The following AP4E1 variants were observed in gnomAD, a reference collection of about 807,000 sequenced individuals.
The protein encoded by AP4E1 is adaptor related protein complex 4 subunit epsilon 1.
AP4E1 carries 56 observed loss-of-function variants against 128.2 expected under a neutral mutation model. The observed-to-expected ratio is 0.44, with a 90% CI of 0.35 to 0.55. AP4E1 has a LOEUF of 0.55. AP4E1 is among the 20% of genes least tolerant of loss of function. AP4E1 has a pLI of 0.00. For missense variants in AP4E1, 1,324 were observed against 1,307.7 expected (o/e 1.01, Z -0.19); for synonymous variants, 484 against 473.1 (o/e 1.02, Z -0.30).
chr15:50,932,885 A>G (rs1406908912), intron 7 of AP4E1, among the ~76,000 whole-genome samples: 2 of 152,204 alleles, frequency 1.3e-5, no homozygotes, highest in East Asian at 3.8e-4. Flanking sequence ...ATTTTATTTT[A>G]TATCATGCCA....
chr15:50,929,294 T>C, intron 6 of AP4E1, 126 bp downstream of exon 6: 1 of 1,090,652 alleles, frequency 9.2e-7, no homozygotes, highest in Non-Finnish European at 1.3e-6. Flanking sequence ...TATTGACCTT[T>C]GAATTAGTAG....
upstream of AP4E1, chr15:50,908,538 G>A (rs2141120378): frequency 2.2e-6 from 1 of 446,612 alleles, no homozygotes; most frequent in Non-Finnish European, 3.8e-6. Context: ...TCGCGAGAAA[G>A]GAGGTCTACT....
chr15:50,909,057 G>T, intron 1 of AP4E1, 129 bp downstream of exon 1: 2 of 1,422,222 alleles, frequency 1.4e-6, no homozygotes, highest in Non-Finnish European at 1.9e-6. Flanking sequence ...GGGCTGCTGT[G>T]TCGGTTCGTC....
chr15:50,936,570 G>A lies in AP4E1; in HGVS notation c.943+1873G>A, dbSNP rs376540955. Among the ~76,000 whole-genome samples, 44 of 152,158 alleles carry A rather than the reference G, an allele frequency of 2.9e-4. No individual in the cohort carries two copies. In the East Asian group the frequency reaches 7.3e-3, roughly 25 times the overall value. On this transcript the variant is annotated intron_variant, in intron 8 of 20. Coordinates refer to ENST00000261842, the MANE Select transcript of AP4E1 (RefSeq NM_007347.5). ...TTCCTGGGGATAACCACTGTTACCC[G>A]TTCCTTTTGATTTGGAGAATACTGT... is the stretch of plus-strand genomic sequence containing the variant.
At chr15:50,911,479 ATTTTT>A (rs536958160) in intron 1 of AP4E1, among the ~76,000 whole-genome samples, 3 of 124,690 alleles carry the variant, frequency 2.4e-5, no homozygotes, top group Non-Finnish European at 3.3e-5. Flanking sequence ...TCCACCTTTA[ATTTTT>A]TTTTTTTTTT....
rs2063993891 is a variant in AP4E1 at position 50,941,866 on chromosome 15, T to G, written c.1176+91T>G. ...GTAGAGAGATTAAAGTGGTGGGCAG[T>G]GTGTATGTTTGCTCGTGTGTATATT... On this transcript the variant is annotated intron_variant, in intron 10 of 20. Coordinates refer to ENST00000261842, the MANE Select transcript of AP4E1 (RefSeq NM_007347.5). 12 of 884,112 alleles carry G rather than the reference T, an allele frequency of 1.4e-5. No individual in the cohort carries two copies. In the South Asian group the frequency reaches 1.6e-4, roughly 11 times the overall value. 54.8% of individuals were successfully genotyped at this position (884,112 alleles called of 1,614,324 possible).
Position 50,908,775 on chromosome 15 carries a change from G to A in AP4E1, c.-4G>A, listed in dbSNP as rs375931068. 29 of 1,539,134 alleles carry A rather than the reference G, an allele frequency of 1.9e-5. 1 individual carries two copies. The African/African-American group carries it at 2.7e-4, about 14-fold the overall frequency. ...CGGCGGCGGCATCGCGGGCGGCGGC[G>A]GCGATGAGCGACATAGTGGAGAAGA... is the stretch of plus-strand genomic sequence containing the variant. On this transcript the variant is annotated 5_prime_UTR_variant, in exon 1 of 21. Transcript: ENST00000261842.
Position 50,912,163 on chromosome 15 carries a change from G to C in AP4E1, c.222+14G>C. The C allele has an allele frequency of 6.2e-7, 1 of 1,606,766 alleles. No individual in the cohort carries two copies. The highest frequency in any genetic ancestry group is 8.5e-7 in the Non-Finnish European group (1 of 1,176,708). On this transcript the variant is annotated intron_variant, in intron 2 of 20. Coordinates refer to ENST00000261842, the MANE Select transcript of AP4E1 (RefSeq NM_007347.5). Reference sequence around the variant, plus strand: ...ACTACAACACTGGTAGGTTTGCATAGTCAGTGCCAACACATTTGAATTTGA... The same window carrying C: ...ACTACAACACTGGTAGGTTTGCATACTCAGTGCCAACACATTTGAATTTGA...
At chr15:50,984,383 G>A (rs938491896) in intron 16 of AP4E1, among the ~76,000 whole-genome samples, 18 of 152,030 alleles carry the variant, frequency 1.2e-4, no homozygotes, top group African/African-American at 3.9e-4. Flanking sequence ...GTATACATGT[G>A]TGCCATGTTG....
At chr15:50,983,146 G>C (rs2064665717) in intron 15 of AP4E1, among the ~76,000 whole-genome samples, 2 of 152,072 alleles carry the variant, frequency 1.3e-5, no homozygotes, top group African/African-American at 4.8e-5. Flanking sequence ...GGCAATGTAG[G>C]GTTGATGATG....
Position 51,001,116 on chromosome 15 carries a change from A to C in AP4E1, c.3186A>C (p.Gln1062His). Residue 1062 changes from glutamine to histidine, a missense_variant, in exon 20 of 21, where the codon CAA (glutamine) becomes CAC (histidine). Coordinates refer to ENST00000261842, the MANE Select transcript of AP4E1 (RefSeq NM_007347.5). ...VKQNVKMSESQAALPSALKTL... is the reference protein window; with the variant it reads ...VKQNVKMSESHAALPSALKTL... ...AAAATGTAAAAATGTCAGAATCTCAAGCTGCACTTCCTTCTGCACTAAAGA... is the reference window on the plus strand; with the variant it reads ...AAAATGTAAAAATGTCAGAATCTCACGCTGCACTTCCTTCTGCACTAAAGA... 6.2e-7 allele frequency: 1 copy of C among 1,613,706 alleles called. No homozygotes were observed. The highest frequency in any genetic ancestry group is 1.3e-5 in the African/African-American group (1 of 75,054).
At chr15:50,977,340 C>T (rs1478789723) in intron 15 of AP4E1, among the ~76,000 whole-genome samples, 1 of 152,140 alleles carries the variant, frequency 6.6e-6, no homozygotes, top group Non-Finnish European at 1.5e-5. Context: ...AAATAGCTGA[C>T]ACAAATACAA....
At chr15:50,926,271 G>C (rs1038344596) in intron 5 of AP4E1, among the ~76,000 whole-genome samples, 1 of 151,730 alleles carries the variant, frequency 6.6e-6, no homozygotes, top group Non-Finnish European at 1.5e-5. Flanking sequence ...TGAGTAGCTG[G>C]AATTACAGGA....
At chr15:50,982,545 T>C (rs918770332) in intron 15 of AP4E1, among the ~76,000 whole-genome samples, 1 of 152,196 alleles carries the variant, frequency 6.6e-6, no homozygotes, top group South Asian at 2.1e-4. Flanking sequence ...TGAAGTAAGC[T>C]TGATCCTTGT....
At chr15:50,985,485 GT>G (rs1453649405) in intron 16 of AP4E1, among the ~76,000 whole-genome samples, 1 of 152,146 alleles carries the variant, frequency 6.6e-6, no homozygotes, top group Non-Finnish European at 1.5e-5. Flanking sequence ...ATTAATTTTT[GT>G]ATAAGGTGTA....
At chr15:50,967,882 G>A (rs765458028) in intron 14 of AP4E1, among the ~76,000 whole-genome samples, 9 of 152,152 alleles carry the variant, frequency 5.9e-5, no homozygotes, top group Admixed American at 3.9e-4. Context: ...GCACAGTCTC[G>A]GCTCACTGCA....
Position 50,997,474 on chromosome 15 carries a change from C to A in AP4E1, c.2495C>A (p.Ser832Ter). 1 of 1,613,952 alleles carries A rather than the reference C, an allele frequency of 6.2e-7. No homozygotes were observed. Among genetic ancestry groups the A allele is most frequent in the Non-Finnish European group, 8.5e-7 (1 of 1,179,966 alleles). ...SNVAYEDDYY[S>*]NTLHDTGDKE... is the part of the protein sequence containing the mutation. Reference sequence around the variant, plus strand: ...GTGGCATATGAAGATGATTATTATTCGAATACTTTGCACGATACAGGAGAC... The same window carrying A: ...GTGGCATATGAAGATGATTATTATTAGAATACTTTGCACGATACAGGAGAC... The change falls in exon 18 of 21, where the codon TCG (serine) becomes TAG (stop). Residue 832 changes from serine (S) to a stop codon, truncating the protein, a stop_gained. Transcript: ENST00000261842. LOFTEE classifies it high-confidence loss of function.
At chr15:50,937,133 T>G (rs1010041144) in intron 8 of AP4E1, among the ~76,000 whole-genome samples, 1 of 152,202 alleles carries the variant, frequency 6.6e-6, no homozygotes, top group Non-Finnish European at 1.5e-5. Context: ...ATATCAGTGG[T>G]AGAGTATTTG....
chr15:50,929,346 G>A (rs2141155061), intron 6 of AP4E1, among the ~76,000 whole-genome samples, 178 bp downstream of exon 6: 2 of 151,268 alleles, frequency 1.3e-5, no homozygotes, highest in East Asian at 3.9e-4. Flanking sequence ...GCACATTACA[G>A]AATTAGTTTT....
Sources: allele counts gnomAD v4.1 joint callset (sites outside exome capture counted in the v4.1 genomes callset), GRCh38; gene constraint gnomAD v4.1.1; transcripts MANE v1.5; gene names NCBI Gene and HGNC (gene_info 2026-07-23, HGNC 2026-07-21).